The following CHN1 variants were observed in gnomAD, a reference collection of about 807,000 sequenced individuals.
The protein encoded by CHN1 is chimerin 1.
A neutral mutation model predicts 59.5 loss-of-function variants in CHN1; 37 were observed. That is an observed-to-expected ratio of 0.62 (90% confidence interval 0.48 to 0.82). CHN1 has a LOEUF of 0.82. Among genes scored for constraint, CHN1 ranks in the 40% least tolerant of loss-of-function variants. The pLI, the probability that CHN1 is intolerant of heterozygous loss-of-function variation, is 0.00. For missense variants in CHN1, 469 were observed against 571.0 expected, an observed-to-expected ratio of 0.82 and a Z score of 1.82; for synonymous variants, 206 against 200.4, an observed-to-expected ratio of 1.03 and a Z score of -0.24.
At chr2:174,951,013 A>G (rs1690011175) in intron 2 of CHN1, among the ~76,000 whole-genome samples, 1 of 152,158 alleles carries the variant, frequency 6.6e-6, no homozygotes, top group African/African-American at 2.4e-5. Context: ...TCCTGACCTC[A>G]GGCAATCCGC....
chr2:174,807,444 ATCTGTG>A (rs1684922737), intron 11 of CHN1, among the ~76,000 whole-genome samples: 5 of 90,284 alleles, frequency 5.5e-5, no homozygotes, highest in African/African-American at 2.0e-4. Flanking sequence ...TTCACGGGCT[ATCTGTG>A]TGTGTGTGTG....
At chr2:174,880,713 A>G (rs1687704858) in intron 5 of CHN1, among the ~76,000 whole-genome samples, 1 of 152,156 alleles carries the variant, frequency 6.6e-6, no homozygotes, top group Admixed American at 6.5e-5. Context: ...TGGTAAAAAG[A>G]TAAAACAGGT....
At chr2:174,826,056 C>T (rs948263132) in intron 7 of CHN1, among the ~76,000 whole-genome samples, 3 of 152,164 alleles carry the variant, frequency 2.0e-5, no homozygotes, top group Admixed American at 6.5e-5. Context: ...TCATTCAAAG[C>T]AGGTATGTGC....
At chr2:174,822,686 C>T (rs1189736800) in intron 8 of CHN1, among the ~76,000 whole-genome samples, 1 of 152,204 alleles carries the variant, frequency 6.6e-6, no homozygotes, top group Non-Finnish European at 1.5e-5. Flanking sequence ...ATTCCATCTG[C>T]CTTTGTGAAA....
intron 3 of CHN1, among the ~76,000 whole-genome samples, chr2:174,921,212 C>G (rs553410454): frequency 8.5e-5 from 13 of 152,318 alleles, no homozygotes; most frequent in Admixed American, 2.0e-4. Context: ...TAATCTATAG[C>G]ATACCCTACT....
intron 7 of CHN1, among the ~76,000 whole-genome samples, chr2:174,827,968 C>T (rs1685746906): frequency 6.6e-6 from 1 of 152,120 alleles, no homozygotes; most frequent in African/African-American, 2.4e-5. Context: ...TGGAGCAAGG[C>T]TCTGGAGAAG....
At chr2:174,888,038 T>C (rs1387815484) in intron 5 of CHN1, among the ~76,000 whole-genome samples, 1 of 152,152 alleles carries the variant, frequency 6.6e-6, no homozygotes, top group African/African-American at 2.4e-5. Context: ...ATTTATAGAA[T>C]ATGTGAAGAT....
At chr2:174,828,334 C>G (rs1685761115) in intron 7 of CHN1, among the ~76,000 whole-genome samples, 2 of 152,096 alleles carry the variant, frequency 1.3e-5, no homozygotes, top group South Asian at 4.1e-4. Flanking sequence ...CAGTGTCAAG[C>G]ACATTAAACA....
At position 174,817,483 on chromosome 2, in the gene CHN1, A is replaced by T. The variant is rs866083455; in HGVS notation, c.713-5001T>A. Among the ~76,000 whole-genome samples the T allele has an allele frequency of 5.5e-3, 794 of 145,138 alleles. 6 individuals are homozygous for T. Among genetic ancestry groups the T allele is most frequent in the South Asian group, 1.0e-2 (46 of 4,602 alleles). The stretch of plus-strand genomic sequence containing the variant: ...CCCCCAATTTTTTTTTTTTTTTTTT[A>T]AAACAGGGTCTCGCTCTGTCACCCA... On this transcript the variant is annotated intron_variant, in intron 8 of 12. Transcript: ENST00000409900.
At chr2:174,947,435 C>T (rs1372464625) in intron 2 of CHN1, among the ~76,000 whole-genome samples, 1 of 151,632 alleles carries the variant, frequency 6.6e-6, no homozygotes, top group African/African-American at 2.4e-5. Context: ...TCCTGATTGG[C>T]TACCAGTGGT....
chr2:174,801,425 T>C (rs1684717810), intron 12 of CHN1, among the ~76,000 whole-genome samples: 1 of 152,206 alleles, frequency 6.6e-6, no homozygotes, highest in African/African-American at 2.4e-5. Flanking sequence ...TCCACAAAAA[T>C]TAGTGCATGT....
chr2:174,880,497 A>C (rs904103366), intron 5 of CHN1, among the ~76,000 whole-genome samples: 2 of 152,172 alleles, frequency 1.3e-5, no homozygotes, highest in African/African-American at 4.8e-5. Context: ...ATCTTTGAGA[A>C]AGGTGGGAAT....
At chr2:174,967,563 G>A (rs1690632819) in intron 1 of CHN1, among the ~76,000 whole-genome samples, 1 of 151,818 alleles carries the variant, frequency 6.6e-6, no homozygotes. Context: ...ACCATTCATA[G>A]CACTTGAAAT....
At chr2:174,844,640 C>T (rs887568521) in intron 7 of CHN1, among the ~76,000 whole-genome samples, 1 of 152,154 alleles carries the variant, frequency 6.6e-6, no homozygotes, top group Non-Finnish European at 1.5e-5. Context: ...CAATCAGTGA[C>T]CTTCTAAGCG....
intron 1 of CHN1, among the ~76,000 whole-genome samples, chr2:174,975,887 C>T (rs1467125067): frequency 2.0e-5 from 3 of 151,328 alleles, no homozygotes; most frequent in East Asian, 2.0e-4. Flanking sequence ...TTTGGGAGGC[C>T]GAGGTGGGCG....
chr2:174,900,964 G>A (rs1688372923), intron 5 of CHN1, among the ~76,000 whole-genome samples: 1 of 152,094 alleles, frequency 6.6e-6, no homozygotes, highest in Non-Finnish European at 1.5e-5. Flanking sequence ...AACAAAAATA[G>A]AGAAAGCTTG....
chr2:174,998,905 A>G (rs1049413501), intron 1 of CHN1, among the ~76,000 whole-genome samples: 1 of 152,190 alleles, frequency 6.6e-6, no homozygotes, highest in African/African-American at 2.4e-5. Flanking sequence ...TTAAATTAAT[A>G]TATCTCAGCT....
intron 5 of CHN1, among the ~76,000 whole-genome samples, chr2:174,911,802 G>A (rs147531134): frequency 4.0e-4 from 61 of 152,270 alleles, no homozygotes; most frequent in African/African-American, 1.1e-3. Context: ...GCATGAGGGA[G>A]GCGTGTTCTT....
intron 9 of CHN1, 123 bp downstream of exon 9, chr2:174,812,186 T>C (rs959290387): frequency 1.0e-5 from 7 of 693,568 alleles, no homozygotes; most frequent in Admixed American, 3.0e-5. Flanking sequence ...ATTTGACATA[T>C]GAAACCATTC....
Sources: allele counts gnomAD v4.1 joint callset (sites outside exome capture counted in the v4.1 genomes callset), GRCh38; gene constraint gnomAD v4.1.1; transcripts MANE v1.5; gene names NCBI Gene and HGNC (gene_info 2026-07-23, HGNC 2026-07-21).